The following TGM6 variants were observed in gnomAD, a reference collection of about 807,000 sequenced individuals.
TGM6 encodes the protein transglutaminase 6, also known as protein-glutamine gamma-glutamyltransferase 6.
In TGM6, 74 loss-of-function variants were observed where a neutral mutation model predicts 77.5. That is an observed-to-expected ratio of 0.96 (90% CI 0.79 to 1.16). The LOEUF is 1.16. Among genes scored for constraint, TGM6 ranks in the 50% most tolerant of loss-of-function variants. The pLI is 0.00. For synonymous variants in TGM6, 383 were observed against 378.9 expected, an observed-to-expected ratio of 1.01 and a Z score of -0.12; for missense variants, 968 against 940.2, an observed-to-expected ratio of 1.03 and a Z score of -0.39.
chr20:2,403,378 C>A lies in TGM6; in HGVS notation c.990-19C>A. Reference sequence around the variant, plus strand: ...TGCCCTCACTCTAGGCAGCTTCACCCATCCTCTCTCTGTGGCAGGAATTTC... The same window carrying A: ...TGCCCTCACTCTAGGCAGCTTCACCAATCCTCTCTCTGTGGCAGGAATTTC... On this transcript the variant is annotated intron_variant, in intron 7 of 12. Coordinates refer to ENST00000202625, the MANE Select transcript of TGM6 (RefSeq NM_198994.3). The A allele has an allele frequency of 6.2e-7, 1 of 1,613,986 alleles. No homozygotes were observed. The highest frequency in any genetic ancestry group is 8.5e-7 in the Non-Finnish European group (1 of 1,179,928).
chr20:2,400,407 G>C lies in TGM6; in HGVS notation c.952G>C (p.Gly318Arg). The change falls in exon 7 of 13, where the codon GGG (glycine) becomes CGG (arginine). Residue 318 changes from glycine (G) to arginine (R), a missense_variant. Coordinates refer to ENST00000202625, the MANE Select transcript of TGM6 (RefSeq NM_198994.3). ...TGTGGACAAATACGTGGACTCCTTC[G>C]GGCGGACCCTGGAGGACCTGACAGA... is the stretch of plus-strand genomic sequence containing the variant. ...LSVDKYVDSFGRTLEDLTEDS... is the reference protein window; with the variant it reads ...LSVDKYVDSFRRTLEDLTEDS... The C allele has an allele frequency of 6.2e-7, 1 of 1,614,126 alleles. No individual in the cohort carries two copies. The highest frequency in any genetic ancestry group is 8.5e-7 in the Non-Finnish European group (1 of 1,180,024).
At chr20:2,384,244 C>T (rs1205994471) in intron 1 of TGM6, among the ~76,000 whole-genome samples, 2 of 152,114 alleles carry the variant, frequency 1.3e-5, no homozygotes, top group East Asian at 1.9e-4. Flanking sequence ...AATGGCTTCT[C>T]CTTTCACTCT....
chr20:2,396,134 T>C (rs1436415463), intron 3 of TGM6, among the ~76,000 whole-genome samples: 9 of 149,878 alleles, frequency 6.0e-5, no homozygotes, highest in Admixed American at 2.7e-4. Context: ...GAGCCAAGAT[T>C]GCGCCATTGT....
chr20:2,389,243 C>A (rs2084615482), intron 1 of TGM6, among the ~76,000 whole-genome samples: 1 of 152,164 alleles, frequency 6.6e-6, no homozygotes, highest in Admixed American at 6.5e-5. Context: ...GGAAAGGAAC[C>A]AAGGTGCCTC....
intron 12 of TGM6, 21 bp downstream of exon 12, chr20:2,431,048 C>T (rs1302421123): frequency 1.2e-6 from 2 of 1,612,478 alleles, no homozygotes; most frequent in South Asian, 2.2e-5. Context: ...GCCTGGGGGG[C>T]TGGCAGGGAA....
rs2084647252 is a variant in TGM6, at chr20:2,394,344, A to G, written c.8-108A>G. On this transcript the variant is annotated intron_variant, in intron 1 of 12. Coordinates refer to ENST00000202625, the MANE Select transcript of TGM6 (RefSeq NM_198994.3). Reference sequence around the variant, plus strand: ...AGAGAATCGCCGGTATATGATAAATAGCAGCTGGATGAACAAATGACTGGC... The same window carrying G: ...AGAGAATCGCCGGTATATGATAAATGGCAGCTGGATGAACAAATGACTGGC... The G allele has an allele frequency of 1.1e-5, 14 of 1,276,290 alleles. No individual in the cohort carries two copies. In the South Asian group the frequency reaches 1.7e-4, roughly 15 times the overall value. The allele number at this position is 1,276,290 out of a possible 1,614,324, so 79.1% of individuals were successfully genotyped here. A position where few individuals can be genotyped will look rare whatever the true frequency, so the allele number is the denominator to read the frequency against.
chr20:2,424,824 T>C (rs368480058), intron 10 of TGM6, among the ~76,000 whole-genome samples: 15 of 152,322 alleles, frequency 9.8e-5, no homozygotes, highest in African/African-American at 3.6e-4. Flanking sequence ...TCTCATTAAC[T>C]TGAACACCTA....
chr20:2,417,582 A>T lies in TGM6; in HGVS notation c.1678+9A>T, dbSNP rs1329766180. ...GCTGGGGCCGCAAGAAGGTAAGTGT[A>T]CGCTGGCTTGGTGGAATCAGGCCAA... is the stretch of plus-strand genomic sequence containing the variant. On this transcript the variant is annotated intron_variant, in intron 10 of 12. Coordinates refer to ENST00000202625, the MANE Select transcript of TGM6 (RefSeq NM_198994.3). The T allele has an allele frequency of 6.3e-6, 10 of 1,595,164 alleles. No homozygotes were observed. The highest frequency in any genetic ancestry group is 8.5e-6 in the Non-Finnish European group (10 of 1,177,708).
chr20:2,403,786 C>T lies in TGM6; in HGVS notation c.1299C>T (p.Ser433=). The T allele has an allele frequency of 1.2e-6, 2 of 1,614,138 alleles. No homozygotes were observed. The highest frequency in any genetic ancestry group is 1.7e-6 in the Non-Finnish European group (2 of 1,180,042). Residue 433 remains serine, a synonymous_variant, in exon 9 of 13, where the codon TCC becomes TCT. Coordinates refer to ENST00000202625, the MANE Select transcript of TGM6 (RefSeq NM_198994.3). ...GCACCAAGGCGGTGGGCAGTGACTC[C>T]CGCGTGGACATCACTGACCTCTACA... ...CISTKAVGSD[S]RVDITDLYKY... is the part of the protein sequence containing the mutation.
At chr20:2,429,788 G>C (rs941823584) in intron 10 of TGM6, among the ~76,000 whole-genome samples, 3 of 152,152 alleles carry the variant, frequency 2.0e-5, no homozygotes, top group Admixed American at 6.5e-5. Flanking sequence ...AAAAGACTGA[G>C]GTTTATGGTG....
intron 10 of TGM6, among the ~76,000 whole-genome samples, chr20:2,422,521 C>T (rs1020284626): frequency 1.3e-5 from 2 of 152,098 alleles, no homozygotes; most frequent in Non-Finnish European, 2.9e-5. Flanking sequence ...TTTGGTTTCC[C>T]AGTGCATATA....
rs200626285 is a variant in TGM6 at position 2,432,569 on chromosome 20, C to A, written c.2047C>A (p.Gln683Lys). The A allele has an allele frequency of 6.2e-7, 1 of 1,614,164 alleles. No individual in the cohort carries two copies. The highest frequency in any genetic ancestry group is 2.2e-5 in the East Asian group (1 of 44,854). Residue 683 changes from glutamine to lysine, a missense_variant, in exon 13 of 13, where the codon CAG becomes AAG. Coordinates refer to ENST00000202625, the MANE Select transcript of TGM6 (RefSeq NM_198994.3). ...TPSKSGPRQLQVDLVSPHFPD... is the reference protein window; with the variant it reads ...TPSKSGPRQLKVDLVSPHFPD... ...CTCCAAAAGTGGCCCAAGGCAGCTGCAGGTGGACCTTGTAAGCCCTCACTT... is the reference window on the plus strand; with the variant it reads ...CTCCAAAAGTGGCCCAAGGCAGCTGAAGGTGGACCTTGTAAGCCCTCACTT...
chr20:2,409,382 G>A lies in TGM6; in HGVS notation c.1336+5559G>A, dbSNP rs6048768. ...CGTAAAACCTATATTAAAGAAGAAA[G>A]ATTTCAAATCAATAGCCTAATCTTC... On this transcript the variant is annotated intron_variant, in intron 9 of 12. Transcript: ENST00000202625. 6.7e-3 allele frequency among the ~76,000 whole-genome samples: 1,018 copies of A among 152,224 alleles called. 14 individuals are homozygous for A. Among genetic ancestry groups the A allele is most frequent in the African/African-American group, 0.023 (962 of 41,528 alleles).
chr20:2,413,294 A>C (rs2084795588), intron 9 of TGM6, among the ~76,000 whole-genome samples: 1 of 152,212 alleles, frequency 6.6e-6, no homozygotes, highest in African/African-American at 2.4e-5. Context: ...CATGGCTACC[A>C]GCTACTCAGG....
intron 7 of TGM6, among the ~76,000 whole-genome samples, chr20:2,401,251 A>G (rs1032082662): frequency 6.6e-6 from 1 of 152,164 alleles, no homozygotes; most frequent in African/African-American, 2.4e-5. Flanking sequence ...TTTCTGAAAT[A>G]GGAAAAACAT....
intron 1 of TGM6, among the ~76,000 whole-genome samples, chr20:2,385,870 C>T (rs1278278153): frequency 2.0e-5 from 3 of 152,216 alleles, no homozygotes; most frequent in Admixed American, 1.3e-4. Context: ...CAGGTTCTAG[C>T]AACCCAGGGA....
Position 2,400,455 on chromosome 20 carries a change from C to G in TGM6, c.989+11C>G, listed in dbSNP as rs6048684. The G allele has an allele frequency of 6.2e-7, 1 of 1,613,924 alleles. No homozygotes were observed. The highest frequency in any genetic ancestry group is 1.7e-5 in the Admixed American group (1 of 60,018). ...AGAAGACAGCATGTGGTGGGTCCTG[C>G]CCCCAGCCTAGGCCCGAGGGCTCTG... On this transcript the variant is annotated intron_variant, in intron 7 of 12. Transcript: ENST00000202625.
chr20:2,385,272 TGTGG>T (rs2084586557), intron 1 of TGM6, among the ~76,000 whole-genome samples: 1 of 151,964 alleles, frequency 6.6e-6, no homozygotes, highest in South Asian at 2.1e-4. Flanking sequence ...TGCTTTGGGC[TGTGG>T]CAGGGAAGAG....
At chr20:2,430,796 A>G in intron 11 of TGM6, 98 bp from the exon 12 acceptor site, 1 of 1,608,468 alleles carries the variant, frequency 6.2e-7, no homozygotes, top group Non-Finnish European at 8.5e-7. Flanking sequence ...GTGGGGGTGG[A>G]CATGACTAAT....
Sources: allele counts gnomAD v4.1 joint callset (sites outside exome capture counted in the v4.1 genomes callset), GRCh38; gene constraint gnomAD v4.1.1; transcripts MANE v1.5; gene names NCBI Gene and HGNC (gene_info 2026-07-23, HGNC 2026-07-21).